MTA3: variants seen among roughly 807,000 people sequenced by gnomAD.
MTA3 encodes the protein metastasis associated 1 family member 3.
MTA3 carries 34 observed loss-of-function variants against 83.5 expected under a neutral mutation model. The observed-to-expected ratio is 0.41, with a 90% confidence interval of 0.31 to 0.54. The LOEUF (loss-of-function observed/expected upper bound fraction) is 0.54. MTA3 is among the 20% of genes least tolerant of loss of function. MTA3 has a pLI of 0.33. For missense variants in MTA3, 761 were observed against 726.4 expected (o/e 1.05, Z -0.55); for synonymous variants, 303 against 252.7 (o/e 1.20, Z -1.89).
At chr2:42,717,159 A>G (rs1301715353) in intron 14 of MTA3, among the ~76,000 whole-genome samples, 1 of 122,566 alleles carries the variant, frequency 8.2e-6, no homozygotes, top group Non-Finnish European at 1.6e-5. Context: ...TTTTGGTGAA[A>G]GGGCTAGAAC....
Position 42,755,500 on chromosome 2 carries a change from G to A in MTA3, c.*2101G>A. On this transcript the variant is annotated 3_prime_UTR_variant, in exon 17 of 17. Transcript: ENST00000405094. ...TGTTCGAGCCACGTGTGCCAAGCAG[G>A]CTTTTCCTTCCTCTTGTAAGTAAAG... The A allele has an allele frequency of 1.0e-6, 1 of 985,480 alleles. No homozygotes were observed. Among genetic ancestry groups the A allele is most frequent in the Non-Finnish European group, 1.2e-6 (1 of 829,972 alleles). 61.0% of individuals were successfully genotyped at this position (985,480 alleles called of 1,614,324 possible).
At chr2:42,586,825 C>G (rs1680389322) in intron 3 of MTA3, among the ~76,000 whole-genome samples, 1 of 152,094 alleles carries the variant, frequency 6.6e-6, no homozygotes, top group African/African-American at 2.4e-5. Flanking sequence ...AAGATCGAGA[C>G]CATCCTGGCC....
chr2:42,584,951 A>C (rs1279683271), intron 3 of MTA3, among the ~76,000 whole-genome samples: 1 of 149,768 alleles, frequency 6.7e-6, no homozygotes, highest in Non-Finnish European at 1.5e-5. Context: ...TTTTTTTTTG[A>C]GACAGAGTCT....
At chr2:42,560,026 C>G (rs1677589550) in intron 2 of MTA3, among the ~76,000 whole-genome samples, 1 of 152,036 alleles carries the variant, frequency 6.6e-6, no homozygotes, top group Admixed American at 6.6e-5. Flanking sequence ...AGGGTTCATA[C>G]TCTGCACAGC....
At chr2:42,701,702 G>A (rs971497564) in intron 11 of MTA3, among the ~76,000 whole-genome samples, 2 of 152,222 alleles carry the variant, frequency 1.3e-5, no homozygotes, top group African/African-American at 2.4e-5. Flanking sequence ...GATCACCTGA[G>A]GTCAGGAATT....
At chr2:42,587,075 C>G (rs1181047387) in intron 3 of MTA3, among the ~76,000 whole-genome samples, 2 of 151,656 alleles carry the variant, frequency 1.3e-5, no homozygotes, top group Non-Finnish European at 1.5e-5. Context: ...CACCTGTAAT[C>G]CTAGCTACTC....
chr2:42,622,279 G>C (rs1472286439), intron 4 of MTA3, among the ~76,000 whole-genome samples: 1 of 152,084 alleles, frequency 6.6e-6, no homozygotes, highest in Non-Finnish European at 1.5e-5. Context: ...GGCGGCGCGC[G>C]CCTGCAATCG....
chr2:42,605,161 C>A (rs1490004481), intron 3 of MTA3, among the ~76,000 whole-genome samples: 384 of 144,426 alleles, frequency 2.7e-3, no homozygotes, highest in African/African-American at 8.4e-3. Flanking sequence ...TAGGGGCGGC[C>A]GGGCAGAGGC....
At chr2:42,594,730 T>A (rs187744200) in intron 3 of MTA3, among the ~76,000 whole-genome samples, 231 of 13,948 alleles carry the variant, frequency 0.017, 1 homozygote, top group Non-Finnish European at 0.027. Context: ...ATATATATAT[T>A]TTTTTTTTTT....
At chr2:42,639,786 TTGTC>T (rs1289384711) in intron 4 of MTA3, among the ~76,000 whole-genome samples, 3 of 152,358 alleles carry the variant, frequency 2.0e-5, no homozygotes, top group East Asian at 3.9e-4. Context: ...GGTGGTGTCT[TTGTC>T]TGAACATCCC....
chr2:42,750,406 T>TC (rs1163919199), intron 16 of MTA3, among the ~76,000 whole-genome samples: 3 of 15,862 alleles, frequency 1.9e-4, no homozygotes, highest in Admixed American at 7.4e-4. Flanking sequence ...AGGGTCTTTG[T>TC]TTTTTTTTTC....
chr2:42,661,629 G>A (rs1274654822), intron 8 of MTA3, among the ~76,000 whole-genome samples: 3 of 150,264 alleles, frequency 2.0e-5, no homozygotes, highest in African/African-American at 7.4e-5. Context: ...AAAAATTAAT[G>A]TATATCTGTT....
intron 3 of MTA3, among the ~76,000 whole-genome samples, chr2:42,601,843 C>G (rs551398691): frequency 2.0e-4 from 31 of 152,226 alleles, no homozygotes; most frequent in African/African-American, 7.5e-4. Flanking sequence ...CCACTGCCAG[C>G]TGTTTTTGTC....
chr2:42,734,155 G>GTC (rs34385201), intron 16 of MTA3, among the ~76,000 whole-genome samples: 6 of 150,802 alleles, frequency 4.0e-5, no homozygotes, highest in South Asian at 2.1e-4. Context: ...TTGTTTTGTG[G>GTC]TCTCTCTCTC....
At chr2:42,537,688 A>T (rs1199203214) in intron 2 of MTA3, among the ~76,000 whole-genome samples, 2 of 152,230 alleles carry the variant, frequency 1.3e-5, no homozygotes, top group Non-Finnish European at 2.9e-5. Flanking sequence ...TGCATTGCGT[A>T]ATCATTTATT....
At chr2:42,594,880 C>T (rs928576532) in intron 3 of MTA3, among the ~76,000 whole-genome samples, 4 of 122,132 alleles carry the variant, frequency 3.3e-5, no homozygotes, top group African/African-American at 1.3e-4. Context: ...GAGCCTGCCA[C>T]TACGCCTGGC....
chr2:42,692,984 CT>C (rs1693042469), intron 9 of MTA3, among the ~76,000 whole-genome samples: 1 of 152,208 alleles, frequency 6.6e-6, no homozygotes, highest in East Asian at 1.9e-4. Flanking sequence ...TTTTTGCAGA[CT>C]CAAAGTACTC....
chr2:42,724,125 A>C (rs1232632130), intron 16 of MTA3, among the ~76,000 whole-genome samples: 2 of 152,172 alleles, frequency 1.3e-5, no homozygotes, highest in Non-Finnish European at 2.9e-5. Context: ...CAAAGTGTGA[A>C]GATTGGATGT....
upstream of MTA3, chr2:42,568,607 C>T (rs1678061226): frequency 3.5e-6 from 1 of 284,998 alleles, no homozygotes; most frequent in East Asian, 8.0e-5. Flanking sequence ...ACCCCCTGTC[C>T]CCTCCCTTCC....
Sources: allele counts gnomAD v4.1 joint callset (sites outside exome capture counted in the v4.1 genomes callset), GRCh38; gene constraint gnomAD v4.1.1; transcripts MANE v1.5; gene names NCBI Gene and HGNC (gene_info 2026-07-23, HGNC 2026-07-21).